Variants in SUMF1 observed in about 807,000 individuals in gnomAD.
SUMF1 encodes sulfatase modifying factor 1.
SUMF1 carries 48 observed loss-of-function variants against 47.6 expected under a neutral mutation model. The ratio of observed to expected loss-of-function variants is 1.01; its 90% confidence interval spans 0.80 to 1.28. The LOEUF (loss-of-function observed/expected upper bound fraction) is 1.28, where lower values mean the gene tolerates loss of function less well. Ranked by LOEUF, SUMF1 falls within the 50% of genes most tolerant of loss-of-function variation. The pLI is 0.00. For missense variants in SUMF1, 571 were observed against 485.4 expected (o/e 1.18, Z -1.66); for synonymous variants, 230 against 192.1 (o/e 1.20, Z -1.63).
chr3:4,135,313 T>C (rs1693899152), intron 8 of SUMF1, among the ~76,000 whole-genome samples: 1 of 152,108 alleles, frequency 6.6e-6, no homozygotes, highest in South Asian at 2.1e-4. Flanking sequence ...GCAAGGCTGG[T>C]TCAACATATG....
intron 8 of SUMF1, among the ~76,000 whole-genome samples, chr3:4,280,606 C>T (rs1327175725): frequency 6.6e-6 from 1 of 152,090 alleles, no homozygotes; most frequent in Non-Finnish European, 1.5e-5. Flanking sequence ...TGGGGCTGTC[C>T]TAACAACACG....
At chr3:4,388,701 T>C (rs948454354) in intron 7 of SUMF1, among the ~76,000 whole-genome samples, 9 of 152,136 alleles carry the variant, frequency 5.9e-5, no homozygotes, top group African/African-American at 2.2e-4. Flanking sequence ...CATTTTTATG[T>C]AACTATTGTG....
At chr3:4,204,605 G>A (rs961675152) in intron 8 of SUMF1, among the ~76,000 whole-genome samples, 2 of 152,020 alleles carry the variant, frequency 1.3e-5, no homozygotes, top group African/African-American at 4.8e-5. Context: ...TTTAAGGCCA[G>A]TAACTCTTAG....
intron 8 of SUMF1, among the ~76,000 whole-genome samples, chr3:4,162,531 C>A (rs1574939679): frequency 6.6e-6 from 1 of 152,194 alleles, no homozygotes; most frequent in Non-Finnish European, 1.5e-5. Context: ...CCTGTCTATG[C>A]TTCCTCCGTG....
chr3:4,136,559 G>A (rs954443173), intron 8 of SUMF1, among the ~76,000 whole-genome samples: 3 of 151,934 alleles, frequency 2.0e-5, no homozygotes, highest in African/African-American at 7.3e-5. Flanking sequence ...ACATAGGCAT[G>A]GGCAAGGACT....
At chr3:4,170,463 C>T (rs1172469329) in intron 8 of SUMF1, among the ~76,000 whole-genome samples, 2 of 152,100 alleles carry the variant, frequency 1.3e-5, no homozygotes, top group Non-Finnish European at 2.9e-5. Context: ...GACCAATGCA[C>T]CAATTTAAGC....
chr3:4,089,831 A>C (rs1435160684), intron 8 of SUMF1, among the ~76,000 whole-genome samples: 1 of 151,992 alleles, frequency 6.6e-6, no homozygotes, highest in Non-Finnish European at 1.5e-5. Context: ...ATCACATTTC[A>C]TCTCATGCTG....
intron 8 of SUMF1, among the ~76,000 whole-genome samples, chr3:4,249,949 C>G (rs190510370): frequency 6.6e-6 from 1 of 152,034 alleles, no homozygotes; most frequent in Non-Finnish European, 1.5e-5. Context: ...TGGGGGAGGC[C>G]GAGGCAGGTA....
rs770232438 is a variant in SUMF1 at position 4,344,260 on chromosome 3, G to A, written c.1014+32070C>T. ...GTGGCGGCCACCCTGAGAGCCACAC[G>A]GGGAAGGGGAACCCCCATTGGCATC... On this transcript the variant is annotated intron_variant and NMD_transcript_variant, in intron 8 of 12. Transcript: ENST00000448413. Among the ~76,000 whole-genome samples, 6 of 152,302 alleles carry A rather than the reference G, an allele frequency of 3.9e-5. No individual in the cohort carries two copies. In the East Asian group the frequency reaches 5.8e-4, roughly 15 times the overall value.
chr3:4,068,428 A>G (rs1277174803), intron 9 of SUMF1: 2 of 159,684 alleles, frequency 1.3e-5, no homozygotes, highest in Non-Finnish European at 2.8e-5. Context: ...AAACAATGAT[A>G]GTAATTTTAA....
At chr3:4,212,515 C>T (rs1695822082) in intron 8 of SUMF1, among the ~76,000 whole-genome samples, 1 of 152,262 alleles carries the variant, frequency 6.6e-6, no homozygotes, top group Middle Eastern at 3.4e-3. Context: ...TCCAAAGGAT[C>T]ACAACTACTC....
intron 1 of SUMF1, among the ~76,000 whole-genome samples, chr3:4,465,946 A>C (rs1397405984): frequency 1.3e-5 from 2 of 152,196 alleles, no homozygotes; most frequent in East Asian, 1.9e-4. Context: ...GGATTAACCC[A>C]AAGGAAAGAA....
At chr3:4,271,506 GAT>G (rs1697302838) in intron 8 of SUMF1, among the ~76,000 whole-genome samples, 51 of 150,800 alleles carry the variant, frequency 3.4e-4, no homozygotes, top group Admixed American at 3.2e-3. Context: ...TAGATAGATA[GAT>G]AGATAGATAG....
intron 8 of SUMF1, among the ~76,000 whole-genome samples, chr3:4,177,302 C>T (rs1694988289): frequency 1.3e-5 from 2 of 152,154 alleles, no homozygotes; most frequent in South Asian, 4.1e-4. Context: ...AAGCACTCCT[C>T]AGCAAATGTA....
intron 8 of SUMF1, among the ~76,000 whole-genome samples, chr3:4,149,100 GCTCTGGAACT>G (rs906686225): frequency 2.6e-5 from 4 of 152,100 alleles, no homozygotes; most frequent in Non-Finnish European, 4.4e-5. Flanking sequence ...TTCCTTAAGA[GCTCTGGAACT>G]CTCTGGAACT....
chr3:4,065,810 A>G (rs1002243949), intron 9 of SUMF1, among the ~76,000 whole-genome samples: 7 of 152,152 alleles, frequency 4.6e-5, no homozygotes, highest in African/African-American at 1.7e-4. Flanking sequence ...GGATTGCTAT[A>G]GTAACCTGAG....
chr3:4,200,546 G>C (rs867052796), intron 8 of SUMF1, among the ~76,000 whole-genome samples: 1 of 152,024 alleles, frequency 6.6e-6, no homozygotes, highest in African/African-American at 2.4e-5. Flanking sequence ...AGGTTTTCAC[G>C]CTCAAACTTA....
intron 8 of SUMF1, among the ~76,000 whole-genome samples, chr3:4,150,449 C>G (rs1694292733): frequency 6.6e-6 from 1 of 151,094 alleles, no homozygotes; most frequent in South Asian, 2.1e-4. Flanking sequence ...GTAGTCCCAG[C>G]TACTTGGGAG....
chr3:4,303,531 G>C (rs1698039464), intron 8 of SUMF1: 14 of 1,394,514 alleles, frequency 1.0e-5, no homozygotes, highest in Non-Finnish European at 1.3e-5. Context: ...TTCCAGGTAG[G>C]GGCGGGGCCA....
Sources: gnomAD v4.1 joint callset for allele counts (sites outside exome capture counted in the v4.1 genomes callset) on GRCh38, gnomAD v4.1.1 for gene constraint, MANE v1.5 for transcripts, NCBI Gene and HGNC (gene_info 2026-07-23, HGNC 2026-07-21) for gene names.